The following DNAH17 variants were observed in gnomAD, a reference collection of about 807,000 sequenced individuals.
DNAH17 encodes the protein axonemal beta dynein heavy chain 17.
A neutral mutation model predicts 485.6 loss-of-function variants in DNAH17; 376 were observed. That is an observed-to-expected ratio of 0.77 (90% CI 0.71 to 0.84). The LOEUF is 0.84. Among genes scored for constraint, DNAH17 ranks in the 40% least tolerant of loss-of-function variants. DNAH17 has a pLI of 0.00. For missense variants in DNAH17, 6,370 were observed against 5,839.3 expected (o/e 1.09, Z -2.96); for synonymous variants, 3,031 against 2,405.9 (o/e 1.26, Z -7.60).
chr17:78,468,271 G>C lies in DNAH17; in HGVS notation c.8778+346C>G, dbSNP rs180835361. Among the ~76,000 whole-genome samples, 41 of 152,214 alleles carry C rather than the reference G, an allele frequency of 2.7e-4. No homozygotes were observed. The East Asian group carries it at 5.2e-3, about 19-fold the overall frequency. On this transcript the variant is annotated intron_variant, in intron 55 of 80. Transcript: ENST00000389840. ...AGTAATCTAGAGATGATTTAAAGTA[G>C]AGGGGAGCATCTTCAAAAATACGAC...
intron 75 of DNAH17, among the ~76,000 whole-genome samples, chr17:78,433,017 T>G (rs112482913): frequency 0.021 from 3,155 of 150,152 alleles, 116 homozygotes; most frequent in African/African-American, 0.073. Context: ...GGCAGCTGAG[T>G]GCAGCTTTCT....
At chr17:78,544,229 G>A (rs147635376) in intron 16 of DNAH17, among the ~76,000 whole-genome samples, 3 of 152,182 alleles carry the variant, frequency 2.0e-5, no homozygotes, top group Non-Finnish European at 2.9e-5. Flanking sequence ...GGGCCTAGGG[G>A]AACCACAGAA....
At chr17:78,435,897 TATTG>T (rs1259183619) in intron 74 of DNAH17, among the ~76,000 whole-genome samples, 17 of 152,110 alleles carry the variant, frequency 1.1e-4, no homozygotes, top group Non-Finnish European at 1.9e-4. Flanking sequence ...AGGCGTGTGG[TATTG>T]ATTGATTGGT....
chr17:78,424,206 G>A, intron 80 of DNAH17, 53 bp from the exon 81 acceptor site: 3 of 1,558,244 alleles, frequency 1.9e-6, no homozygotes, highest in Non-Finnish European at 2.6e-6. Context: ...AGTGAGGGAG[G>A]GGCTGGCAGG....
rs759482818 is a variant in DNAH17 at position 78,532,499 on chromosome 17, C to T, written c.3097G>A (p.Ala1033Thr). The stretch of plus-strand genomic sequence containing the variant: ...GCACGCACCTGCTCCTGGAACTGAG[C>T]CAGGGTGGGCGGTGTCTTGGGGATG... ...DTIPKTPPTL[A>T]QFQEQIDSYE... Residue 1033 changes from alanine to threonine, a missense_variant, in exon 20 of 81, where the codon GCT (alanine) becomes ACT (threonine). Physicochemically the swap from Ala to Thr is moderately conservative, Grantham distance 58. Transcript: ENST00000389840. 2 of 1,610,574 alleles carry T rather than the reference C, an allele frequency of 1.2e-6. No homozygotes were observed. Among genetic ancestry groups the T allele is most frequent in the South Asian group, 2.2e-5 (2 of 90,366 alleles).
intron 11 of DNAH17, 22 bp from the exon 12 acceptor site, chr17:78,562,002 G>T (rs757025499): frequency 6.4e-7 from 1 of 1,551,604 alleles, no homozygotes; most frequent in Non-Finnish European, 8.7e-7. Context: ...GGAGAAGGGG[G>T]CCTCTTCACC....
rs765980118 is a variant in DNAH17 at position 78,537,513 on chromosome 17, C to T, written c.2677-32G>A. 21 of 1,607,410 alleles carry T rather than the reference C, an allele frequency of 1.3e-5. No homozygotes were observed. In the South Asian group the frequency reaches 1.7e-4, roughly 13 times the overall value. ...GAGGGGTGGGGTTGGCAGTGGTCAA[C>T]ACCTCTGTCCTCCATCGGATGATTC... On this transcript the variant is annotated intron_variant, in intron 18 of 80. Coordinates refer to ENST00000389840, the MANE Select transcript of DNAH17 (RefSeq NM_173628.4).
In DNAH17 at chr17:78,427,027, T is replaced by G. The variant is rs766959912; in HGVS notation, c.12670A>C (p.Lys4224Gln). The G allele has an allele frequency of 1.2e-6, 2 of 1,607,204 alleles. No homozygotes were observed. Among genetic ancestry groups the G allele is most frequent in the South Asian group, 1.1e-5 (1 of 89,542 alleles). The change falls in exon 78 of 81, where the codon AAG (lysine) becomes CAG (glutamine). Residue 4224 changes from lysine to glutamine, a missense_variant. Lys to Gln is a moderately conservative substitution (Grantham distance 53, BLOSUM62 1). Coordinates refer to ENST00000389840, the MANE Select transcript of DNAH17 (RefSeq NM_173628.4). ...AAGGCGACTACCACGTAGGGGGTCT[T>G]TTCCGCTGCCTTTGCCATGATCTCA... ...MAEIMAKAAEKTPYVVVAFQE... is the reference protein window; with the variant it reads ...MAEIMAKAAEQTPYVVVAFQE...
intron 48 of DNAH17, chr17:78,484,652 CCCTA>C: frequency 2.8e-6 from 1 of 363,534 alleles, no homozygotes; most frequent in Non-Finnish European, 5.0e-6. Flanking sequence ...AGAACCTCTC[CCCTA>C]CCCTGGCCCT....
intron 43 of DNAH17, 103 bp downstream of exon 43, chr17:78,491,335 CGCCAA>C: frequency 1.4e-6 from 2 of 1,459,144 alleles, no homozygotes; most frequent in South Asian, 2.7e-5. Flanking sequence ...ACGCCACCTG[CGCCAA>C]GCCTGGCATG....
chr17:78,472,713 TGTCTCGGCA>T (rs2088822045), intron 54 of DNAH17: 8 of 455,080 alleles, frequency 1.8e-5, no homozygotes, highest in African/African-American at 1.6e-4. Flanking sequence ...TCACGCACGC[TGTCTCGGCA>T]GGCACAGCCC....
intron 30 of DNAH17, among the ~76,000 whole-genome samples, chr17:78,506,413 C>T (rs2090486343): frequency 6.6e-6 from 1 of 152,104 alleles, no homozygotes; most frequent in African/African-American, 2.4e-5. Flanking sequence ...GTGTGTCTTT[C>T]AGAAACAGTG....
In DNAH17 at chr17:78,558,919, C is replaced by T. The variant is rs146405512; in HGVS notation, c.2032-665G>A. Among the ~76,000 whole-genome samples the T allele has an allele frequency of 8.2e-4, 125 of 152,256 alleles. 1 individual carries two copies. The highest frequency in any genetic ancestry group is 2.9e-3 in the African/African-American group (119 of 41,542). The stretch of plus-strand genomic sequence containing the variant: ...CATCACGGGCCTCATCTCATGGGAT[C>T]GCCCAGCCGCTGGCACTCTTTCCTT... On this transcript the variant is annotated intron_variant, in intron 13 of 80. Transcript: ENST00000389840.
At chr17:78,492,586 T>C in intron 42 of DNAH17, 47 bp downstream of exon 42, 1 of 1,605,878 alleles carries the variant, frequency 6.2e-7, no homozygotes, top group Non-Finnish European at 8.5e-7. Context: ...CTCACTGCAC[T>C]GGACCAGGAG....
intron 25 of DNAH17, among the ~76,000 whole-genome samples, chr17:78,519,167 C>CAAAAAA (rs71161610): frequency 2.6e-5 from 2 of 75,598 alleles, no homozygotes; most frequent in Non-Finnish European, 4.7e-5. Flanking sequence ...GACTCCGTCT[C>CAAAAAA]AAAAAAAAAA....
Position 78,552,774 on chromosome 17 carries a change from A to G in DNAH17, c.2210T>C (p.Leu737Pro). Residue 737 changes from leucine (L) to proline (P), a missense_variant, in exon 15 of 81, where the codon CTA becomes CCA. Physicochemically the swap from Leu to Pro is moderately conservative, Grantham distance 98. Transcript: ENST00000389840. Reference protein sequence around the residue: ...IKTIVKAVEFLLIKSELEAID... With the variant: ...IKTIVKAVEFPLIKSELEAID... ...TGCTTCCAGTTCTGACTTTATTAGT[A>G]GAAATTCTACTGCCTTCACTATAGT... 1 of 1,613,576 alleles carries G rather than the reference A, an allele frequency of 6.2e-7. No individual in the cohort carries two copies. Among genetic ancestry groups the G allele is most frequent in the Non-Finnish European group, 8.5e-7 (1 of 1,179,466 alleles).
At chr17:78,443,898 C>T (rs662153) in intron 71 of DNAH17, among the ~76,000 whole-genome samples, 125,188 of 152,022 alleles carry the variant, frequency 0.82, 51,899 homozygotes, top group East Asian at 0.95. Flanking sequence ...TGCTTTCAGG[C>T]TACTTGGAGA....
At chr17:78,480,271 C>T (rs2089293712) in intron 49 of DNAH17, among the ~76,000 whole-genome samples, 1 of 151,814 alleles carries the variant, frequency 6.6e-6, no homozygotes, top group Non-Finnish European at 1.5e-5. Flanking sequence ...ATTGCTTAAA[C>T]CCGGGAAGCG....
intron 77 of DNAH17, among the ~76,000 whole-genome samples, chr17:78,427,685 G>A (rs984514091): frequency 2.6e-5 from 4 of 152,150 alleles, no homozygotes; most frequent in African/African-American, 9.7e-5. Flanking sequence ...CTATTAAGAA[G>A]TACAGGCCAG....
Sources: allele counts gnomAD v4.1 joint callset (sites outside exome capture counted in the v4.1 genomes callset), GRCh38; gene constraint gnomAD v4.1.1; transcripts MANE v1.5; gene names NCBI Gene and HGNC (gene_info 2026-07-23, HGNC 2026-07-21).